Variants in PDE6C observed in about 807,000 individuals in gnomAD.
The protein encoded by PDE6C is phosphodiesterase 6C.
PDE6C carries 75 observed loss-of-function variants against 113.1 expected under a neutral mutation model. The observed-to-expected ratio is 0.66, with a 90% CI of 0.55 to 0.80. PDE6C has a LOEUF of 0.80. Ranked by LOEUF, PDE6C falls within the 30% of genes least tolerant of loss-of-function variation. The pLI, the probability that PDE6C is intolerant of heterozygous loss-of-function variation, is 0.00. For missense variants in PDE6C, 912 were observed against 1,038.6 expected (o/e 0.88, Z 1.67); for synonymous variants, 375 against 363.7 (o/e 1.03, Z -0.35).
chr10:93,626,763 T>G, intron 6 of PDE6C, 42 bp from the exon 7 acceptor site: 1 of 1,598,316 alleles, frequency 6.3e-7, no homozygotes, highest in Non-Finnish European at 8.6e-7. Context: ...ACATATTGCA[T>G]TTCTCTATAT....
At chr10:93,614,826 C>T (rs1245864482) in intron 1 of PDE6C, among the ~76,000 whole-genome samples, 1 of 151,956 alleles carries the variant, frequency 6.6e-6, no homozygotes, top group East Asian at 1.9e-4. Context: ...GGAGTCTCTC[C>T]TCTCTTCTCT....
chr10:93,654,351 CTCT>C (rs567153866), intron 15 of PDE6C, among the ~76,000 whole-genome samples: 144 of 152,312 alleles, frequency 9.5e-4, no homozygotes, highest in Admixed American at 1.6e-3. Context: ...GGAGCACAGA[CTCT>C]GGAACCATGC....
At chr10:93,634,700 A>G (rs1289368832) in intron 8 of PDE6C, 58 bp from the exon 9 acceptor site, 2 of 1,562,802 alleles carry the variant, frequency 1.3e-6, no homozygotes, top group Admixed American at 1.7e-5. Flanking sequence ...CTGTGAATTT[A>G]TGATTATTTC....
At chr10:93,646,403 A>G (rs2058584661) in intron 15 of PDE6C, among the ~76,000 whole-genome samples, 1 of 152,340 alleles carries the variant, frequency 6.6e-6, no homozygotes, top group Admixed American at 6.5e-5. Flanking sequence ...CATGGGGCAT[A>G]TGCTTTAGAG....
chr10:93,624,002 AT>A (rs944577691), intron 4 of PDE6C, among the ~76,000 whole-genome samples: 95 of 151,976 alleles, frequency 6.3e-4, no homozygotes, highest in Middle Eastern at 3.4e-3. Context: ...GATTTTATAT[AT>A]TTTTTTATAT....
chr10:93,663,178 G>C lies in PDE6C; in HGVS notation c.2518G>C (p.Ala840Pro), dbSNP rs150628691. ...AAAGCAAGAAGGAGGAGCCGAAAAA[G>C]GTTAGATGGGCTCTGTTTTTGCTCC... The part of the protein sequence containing the change: ...AKKQEGGAEK[A>P]AEDSGGGDDK... Residue 840 changes from alanine (A) to proline (P), a missense_variant and splice_region_variant, in exon 21 of 22, where the codon GCT (alanine) becomes CCT (proline). Ala to Pro is a conservative substitution (Grantham distance 27, BLOSUM62 -1). Transcript: ENST00000371447. 1 of 1,613,008 alleles carries C rather than the reference G, an allele frequency of 6.2e-7. No homozygotes were observed. The highest frequency in any genetic ancestry group is 8.5e-7 in the Non-Finnish European group (1 of 1,179,592).
At chr10:93,660,792 C>A (rs570352888) in intron 18 of PDE6C, among the ~76,000 whole-genome samples, 1 of 152,042 alleles carries the variant, frequency 6.6e-6, no homozygotes, top group Non-Finnish European at 1.5e-5. Context: ...ATTTCAAAAT[C>A]ATTTATATCA....
intron 15 of PDE6C, among the ~76,000 whole-genome samples, chr10:93,649,275 A>T (rs2133871570): frequency 6.6e-6 from 1 of 152,334 alleles, no homozygotes; most frequent in South Asian, 2.1e-4. Flanking sequence ...TGTCTTCAAC[A>T]CAATGCTCGA....
intron 15 of PDE6C, 139 bp downstream of exon 15, chr10:93,646,186 A>G: frequency 1.6e-6 from 1 of 634,738 alleles, no homozygotes; most frequent in Non-Finnish European, 2.9e-6. Flanking sequence ...ATTGATAGAA[A>G]TTGCTATATT....
rs1277843295 is a variant in PDE6C, at chr10:93,613,034, C to G, written c.309C>G (p.Ser103=). ...ADRCSMFLCR[S]RNGIPEVASR... ...GCTGCAGCATGTTCCTGTGCCGGTCCCGGAACGGCATACCTGAGGTGGCCT... is the reference window on the plus strand; with the variant it reads ...GCTGCAGCATGTTCCTGTGCCGGTCGCGGAACGGCATACCTGAGGTGGCCT... Residue 103 remains serine, a synonymous_variant, in exon 1 of 22, where the codon TCC becomes TCG. Coordinates refer to ENST00000371447, the MANE Select transcript of PDE6C (RefSeq NM_006204.4). 2 of 1,614,182 alleles carry G rather than the reference C, an allele frequency of 1.2e-6. No homozygotes were observed. The highest frequency in any genetic ancestry group is 2.2e-5 in the East Asian group (1 of 44,876).
At position 93,663,037 on chromosome 10, in the gene PDE6C, C is replaced by A; in HGVS notation, c.2377C>A (p.Arg793=). The A allele has an allele frequency of 6.2e-7, 1 of 1,611,696 alleles. No individual in the cohort carries two copies. The highest frequency in any genetic ancestry group is 1.1e-5 in the South Asian group (1 of 90,972). ...CTAAAATTCCTTTTAGGAGTTCTCACGGTTTCACAAAGAAATCACACCTAT... is the reference window on the plus strand; with the variant it reads ...CTAAAATTCCTTTTAGGAGTTCTCAAGGTTTCACAAAGAAATCACACCTAT... ...VCTFVYKEFS[R]FHKEITPMLS... is the part of the protein sequence containing the mutation. Residue 793 remains arginine, a synonymous_variant, in exon 21 of 22, where the codon CGG becomes AGG. Transcript: ENST00000371447.
rs895697834 is a variant in PDE6C at position 93,659,282 on chromosome 10, T to C, written c.2208+115T>C. On this transcript the variant is annotated intron_variant, in intron 18 of 21. Transcript: ENST00000371447. ...CAGAATTCTGAAAAATTACAAATAT[T>C]AGTGAGACAGTAGGCAATTTGATTA... 33 of 741,090 alleles carry C rather than the reference T, an allele frequency of 4.5e-5. No individual in the cohort carries two copies. In the Admixed American group the frequency reaches 4.5e-4, roughly 10 times the overall value. 45.9% of individuals were successfully genotyped at this position (741,090 alleles called of 1,614,324 possible).
intron 8 of PDE6C, among the ~76,000 whole-genome samples, chr10:93,631,970 G>A (rs1344576191): frequency 6.6e-6 from 1 of 152,076 alleles, no homozygotes; most frequent in Non-Finnish European, 1.5e-5. Flanking sequence ...AGTCTTCTTG[G>A]GCTAAAATCA....
At chr10:93,653,319 A>G (rs2058617746) in intron 15 of PDE6C, among the ~76,000 whole-genome samples, 1 of 152,172 alleles carries the variant, frequency 6.6e-6, no homozygotes, top group South Asian at 2.1e-4. Flanking sequence ...GATATGTACA[A>G]TAGACTTCTG....
At chr10:93,628,308 G>A (rs2134600595) in intron 7 of PDE6C, among the ~76,000 whole-genome samples, 1 of 152,210 alleles carries the variant, frequency 6.6e-6, no homozygotes, top group Non-Finnish European at 1.5e-5. Context: ...ATGATAGCTG[G>A]GTGTGGTGGC....
chr10:93,622,288 G>GTTT lies in PDE6C; in HGVS notation c.864+224_864+226dup, dbSNP rs57224307. Reference sequence around the variant, plus strand: ...AGTAATATGGGTTTTCAGCAAGTCTGTTTTTTTTTTACATTAATTAATAGA... The same window carrying GTTT: ...AGTAATATGGGTTTTCAGCAAGTCTGTTTTTTTTTTTTTACATTAATTAATAGA... On this transcript the variant is annotated intron_variant, in intron 4 of 21. Coordinates refer to ENST00000371447, the MANE Select transcript of PDE6C (RefSeq NM_006204.4). 4.1e-3 allele frequency among the ~76,000 whole-genome samples: 612 copies of GTTT among 149,104 alleles called. 3 individuals carry two copies. Among genetic ancestry groups the GTTT allele is most frequent in the Middle Eastern group, 6.9e-3 (2 of 288 alleles).
rs1333103983 is a variant in PDE6C, at chr10:93,634,966, G to A, written c.1269+59G>A. The stretch of plus-strand genomic sequence containing the variant: ...CAATTCACAAAATAAGAGAGGGCAC[G>A]TAATTATTTGTTATTCTGGAATGAT... On this transcript the variant is annotated intron_variant, in intron 9 of 21. Transcript: ENST00000371447. 23 of 1,531,460 alleles carry A rather than the reference G, an allele frequency of 1.5e-5. No homozygotes were observed. In the Middle Eastern group the frequency reaches 5.1e-4, roughly 34 times the overall value. The allele number at this position is 1,531,460 out of a possible 1,614,324, so 94.9% of individuals were successfully genotyped here. A position where few individuals can be genotyped will look rare whatever the true frequency, so the allele number is the denominator to read the frequency against.
intron 4 of PDE6C, among the ~76,000 whole-genome samples, chr10:93,623,343 G>T (rs1282704717): frequency 6.6e-6 from 1 of 152,118 alleles, no homozygotes; most frequent in Non-Finnish European, 1.5e-5. Flanking sequence ...AGAGTTATTT[G>T]TATATTATGG....
At chr10:93,618,697 C>T (rs746326170) in intron 1 of PDE6C, among the ~76,000 whole-genome samples, 62 of 152,186 alleles carry the variant, frequency 4.1e-4, no homozygotes, top group Non-Finnish European at 7.9e-4. Flanking sequence ...GTGCAGGTTC[C>T]ACTGTAGGAG....
Sources: gnomAD v4.1 joint callset for allele counts (sites outside exome capture counted in the v4.1 genomes callset) on GRCh38, gnomAD v4.1.1 for gene constraint, MANE v1.5 for transcripts, NCBI Gene and HGNC (gene_info 2026-07-23, HGNC 2026-07-21) for gene names.